The following FSIP2 variants were observed in gnomAD, a reference collection of about 807,000 sequenced individuals.
FSIP2 encodes fibrous sheath interacting protein 2.
FSIP2 carries 367 observed loss-of-function variants against 510.5 expected under a neutral mutation model. The observed-to-expected ratio is 0.72, with a 90% CI of 0.66 to 0.78. The LOEUF (loss-of-function observed/expected upper bound fraction) is 0.78. Ranked by LOEUF, FSIP2 falls within the 30% of genes least tolerant of loss-of-function variation. The pLI is 0.00. For missense variants in FSIP2, 7,594 were observed against 7,901.7 expected, an observed-to-expected ratio of 0.96 and a Z score of 1.48; for synonymous variants, 2,601 against 2,732.2, an observed-to-expected ratio of 0.95 and a Z score of 1.50.
chr2:185,752,241 C>T (rs893340524), intron 7 of FSIP2, among the ~76,000 whole-genome samples: 3 of 150,068 alleles, frequency 2.0e-5, no homozygotes, highest in Admixed American at 6.7e-5. Flanking sequence ...TATTTTAGTA[C>T]TTTAAAGATG....
chr2:185,792,577 T>G lies in FSIP2; in HGVS notation c.5441T>G (p.Val1814Gly), dbSNP rs894845987. ...AATTTTAATGGCATGCCTCACAATGTTGATGAGCCAACTCCCCAAACATCT... is the reference window on the plus strand; with the variant it reads ...AATTTTAATGGCATGCCTCACAATGGTGATGAGCCAACTCCCCAAACATCT... ...HSNFNGMPHN[V>G]DEPTPQTSVQ... Residue 1814 changes from valine (V) to glycine (G), a missense_variant, in exon 16 of 23, where the codon GTT (valine) becomes GGT (glycine). Physicochemically the swap from Val to Gly is moderately radical, Grantham distance 109. Transcript: ENST00000424728. 8.5e-6 allele frequency: 13 copies of G among 1,533,982 alleles called. No homozygotes were observed. The highest frequency in any genetic ancestry group is 1.0e-5 in the Non-Finnish European group (12 of 1,145,438).
intron 9 of FSIP2, among the ~76,000 whole-genome samples, chr2:185,759,410 TAA>T (rs1193484961): frequency 6.8e-6 from 1 of 146,030 alleles, no homozygotes. Flanking sequence ...TTACATATTA[TAA>T]TATATATTAT....
chr2:185,810,723 C>CCT (rs145327353), intron 17 of FSIP2, among the ~76,000 whole-genome samples: 16,832 of 151,646 alleles, frequency 0.11, 970 homozygotes, highest in Middle Eastern at 0.14. Flanking sequence ...GAAGACAGAG[C>CCT]CTCTTTTTTG....
At chr2:185,774,268 A>C (rs1191029975) in intron 13 of FSIP2, among the ~76,000 whole-genome samples, 1 of 152,068 alleles carries the variant, frequency 6.6e-6, no homozygotes, top group African/African-American at 2.4e-5. Flanking sequence ...ATAATGCCAT[A>C]TTTTCCTGGT....
In FSIP2 at chr2:185,792,960, T is replaced by A. The variant is rs1332325053; in HGVS notation, c.5824T>A (p.Ser1942Thr). 9.1e-6 allele frequency: 14 copies of A among 1,534,238 alleles called. No individual in the cohort carries two copies. The Admixed American group carries it at 2.8e-4, about 30-fold the overall frequency. ...TTCCAAAGTAAAATCTCTCTTTTAT[T>A]CTCAAGTCAACTTTACAGTTCCAGT... Reference protein sequence around the residue: ...ATSKVKSLFYSQVNFTVPVAL... With the variant: ...ATSKVKSLFYTQVNFTVPVAL... Residue 1942 changes from serine (S) to threonine (T), a missense_variant, in exon 16 of 23, where the codon TCT becomes ACT. Transcript: ENST00000424728.
At position 185,739,449 on chromosome 2, in the gene FSIP2, A is replaced by G; in HGVS notation, c.203A>G (p.Tyr68Cys). The change falls in exon 2 of 23, where the codon TAT becomes TGT. Residue 68 changes from tyrosine to cysteine, a missense_variant. Transcript: ENST00000424728. ...ATCCCAGGAAGCAATGCTGTATTCT[A>G]TACTACGAATTTCGGTGAAAAGGTG... Reference protein sequence around the residue: ...PVIPGSNAVFYTTNFGEKLFR... With the variant: ...PVIPGSNAVFCTTNFGEKLFR... 1.3e-6 allele frequency: 2 copies of G among 1,516,458 alleles called. No individual in the cohort carries two copies. The highest frequency in any genetic ancestry group is 1.2e-5 in the South Asian group (1 of 81,514). The allele number at this position is 1,516,458 out of a possible 1,614,324, so 93.9% of individuals were successfully genotyped here.
chr2:185,796,544 G>A lies in FSIP2; in HGVS notation c.9408G>A (p.Leu3136=). Residue 3136 remains leucine, a synonymous_variant, in exon 16 of 23, where the codon TTG becomes TTA. Coordinates refer to ENST00000424728, the MANE Select transcript of FSIP2 (RefSeq NM_173651.4). ...MDQCTYFNES[L]IQNLSRESLF... is the part of the protein sequence containing the mutation. ...AGTGTACTTATTTCAATGAGTCTTT[G>A]ATACAAAACCTTTCAAGAGAAAGTT... The A allele has an allele frequency of 6.5e-7, 1 of 1,534,984 alleles. No individual in the cohort carries two copies. Among genetic ancestry groups the A allele is most frequent in the Non-Finnish European group, 8.7e-7 (1 of 1,146,158 alleles).
Position 185,789,239 on chromosome 2 carries a change from A to C in FSIP2, c.2103A>C (p.Lys701Asn), listed in dbSNP as rs550313999. 1.3e-6 allele frequency: 2 copies of C among 1,534,590 alleles called. No individual in the cohort carries two copies. The highest frequency in any genetic ancestry group is 8.7e-7 in the Non-Finnish European group (1 of 1,145,876). ...NVFVNFKCYL[K>N]GETEVILESI... ...TTGTTAACTTTAAATGTTACTTGAA[A>C]GGGGAAACTGAAGTGATTTTAGAAA... is the stretch of plus-strand genomic sequence containing the variant. The change falls in exon 16 of 23, where the codon AAA (lysine) becomes AAC (asparagine). Residue 701 changes from lysine to asparagine, a missense_variant. Transcript: ENST00000424728.
In FSIP2 at chr2:185,815,427, G is replaced by GAGTTCATCTTCA. The variant is rs1159946297; in HGVS notation, c.20383_20394dup (p.Ser6795_Ser6798dup). 6.5e-7 allele frequency: 1 copy of GAGTTCATCTTCA among 1,534,204 alleles called. No homozygotes were observed. The highest frequency in any genetic ancestry group is 8.9e-7 in the Non-Finnish European group (1 of 1,121,902). ...CACATTACTTCATACACAGAATTATGAGTTCATCTTCATACAACCAAGAAG... is the reference window on the plus strand; with the variant it reads ...CACATTACTTCATACACAGAATTATGAGTTCATCTTCAAGTTCATCTTCATACAACCAAGAAG... On this transcript the variant is annotated inframe_insertion, in exon 19 of 23. Coordinates refer to ENST00000424728, the MANE Select transcript of FSIP2 (RefSeq NM_173651.4).
At chr2:185,788,542 C>T in intron 15 of FSIP2, 101 bp from the exon 16 acceptor site, 1 of 709,956 alleles carries the variant, frequency 1.4e-6, no homozygotes, top group Non-Finnish European at 2.2e-6. Context: ...TGGTATTCCA[C>T]CAATACATTG....
In FSIP2 at chr2:185,795,319, C is replaced by G. The variant is rs1019750872; in HGVS notation, c.8183C>G (p.Thr2728Arg). Residue 2728 changes from threonine to arginine, a missense_variant, in exon 16 of 23, where the codon ACA becomes AGA. Thr to Arg is a moderately conservative substitution (Grantham distance 71). Coordinates refer to ENST00000424728, the MANE Select transcript of FSIP2 (RefSeq NM_173651.4). ...GGAGATGCCAAAAATTTACTGGACA[C>G]AAAATTGCCCACTTCAGAACTAAAA... ...SAGDAKNLLD[T>R]KLPTSELKIY... 5.9e-6 allele frequency: 9 copies of G among 1,534,736 alleles called. No individual in the cohort carries two copies. In the African/African-American group the frequency reaches 1.1e-4, roughly 19 times the overall value.
At chr2:185,809,271 T>C (rs1418596953) in intron 17 of FSIP2, 138 bp downstream of exon 17, 12 of 911,246 alleles carry the variant, frequency 1.3e-5, no homozygotes, top group Non-Finnish European at 1.6e-6. Flanking sequence ...ATTAGTTGCA[T>C]CAGTTCATCC....
In FSIP2 at chr2:185,788,870, A is replaced by G. The variant is rs1444344505; in HGVS notation, c.1734A>G (p.Thr578=). 4.6e-6 allele frequency: 7 copies of G among 1,534,852 alleles called. No homozygotes were observed. The highest frequency in any genetic ancestry group is 4.4e-6 in the Non-Finnish European group (5 of 1,146,016). The change falls in exon 16 of 23, where the codon ACA becomes ACG. Residue 578 remains threonine (T), a synonymous_variant. Coordinates refer to ENST00000424728, the MANE Select transcript of FSIP2 (RefSeq NM_173651.4). Reference sequence around the variant, plus strand: ...GCTACACATCTGCAACAACTAAAACATTTCAGGCAGAACCCTGTGCATTTG... The same window carrying G: ...GCTACACATCTGCAACAACTAAAACGTTTCAGGCAGAACCCTGTGCATTTG... ...YRSYTSATTK[T]FQAEPCAFVV... is the part of the protein sequence containing the mutation.
chr2:185,788,991 G>A lies in FSIP2; in HGVS notation c.1855G>A (p.Gly619Arg). The A allele has an allele frequency of 6.5e-7, 1 of 1,534,228 alleles. No homozygotes were observed. The highest frequency in any genetic ancestry group is 1.2e-5 in the South Asian group (1 of 84,022). The change falls in exon 16 of 23, where the codon GGA becomes AGA. Residue 619 changes from glycine to arginine, a missense_variant. Physicochemically the swap from Gly to Arg is moderately radical, Grantham distance 125 (BLOSUM62 -2). Transcript: ENST00000424728. ...TVVGKTCHIK[G>R]QSIISKHKYN... is the part of the protein sequence containing the mutation. Reference sequence around the variant, plus strand: ...TGTGGGGAAAACATGTCACATAAAAGGACAATCTATAATCTCTAAACATAA... The same window carrying A: ...TGTGGGGAAAACATGTCACATAAAAAGACAATCTATAATCTCTAAACATAA...
In FSIP2 at chr2:185,805,666, G is replaced by A. The variant is rs757615455; in HGVS notation, c.16360G>A (p.Asp5454Asn). ...QSYKDTSSTPDCKNMMSTLEI... is the reference protein window; with the variant it reads ...QSYKDTSSTPNCKNMMSTLEI... Reference sequence around the variant, plus strand: ...ATATAAAGATACTTCTTCCACCCCAGATTGCAAAAACATGATGAGCACTTT... The same window carrying A: ...ATATAAAGATACTTCTTCCACCCCAAATTGCAAAAACATGATGAGCACTTT... Residue 5454 changes from aspartate (D) to asparagine (N), a missense_variant, in exon 17 of 23, where the codon GAT becomes AAT. By Grantham distance (23) the Asp-to-Asn change is conservative. Transcript: ENST00000424728. 1.2e-6 allele frequency: 2 copies of A among 1,610,184 alleles called. No homozygotes were observed. The highest frequency in any genetic ancestry group is 4.5e-5 in the East Asian group (2 of 44,756).
Position 185,807,080 on chromosome 2 carries a change from T to C in FSIP2, c.17774T>C (p.Leu5925Ser). Reference protein sequence around the residue: ...KVVHSSVCNILNDYGSQDSIW... With the variant: ...KVVHSSVCNISNDYGSQDSIW... ...GTTCACTCCTCTGTTTGTAATATTT[T>C]AAATGACTATGGATCTCAAGACTCT... The change falls in exon 17 of 23, where the codon TTA becomes TCA. Residue 5925 changes from leucine (L) to serine (S), a missense_variant. Physicochemically the swap from Leu to Ser is moderately radical, Grantham distance 145. Transcript: ENST00000424728. The C allele has an allele frequency of 6.3e-7, 1 of 1,589,464 alleles. No homozygotes were observed. Among genetic ancestry groups the C allele is most frequent in the South Asian group, 1.2e-5 (1 of 86,046 alleles).
At chr2:185,821,080 A>C (rs1693910132) in intron 19 of FSIP2, among the ~76,000 whole-genome samples, 1 of 101,768 alleles carries the variant, frequency 9.8e-6, no homozygotes, top group African/African-American at 3.7e-5. Flanking sequence ...GCCTAAGGAA[A>C]GAAAGACTCA....
intron 21 of FSIP2, among the ~76,000 whole-genome samples, chr2:185,831,041 G>C (rs1195373615): frequency 6.6e-6 from 1 of 151,844 alleles, no homozygotes; most frequent in African/African-American, 2.4e-5. Context: ...AGTCTTCTTG[G>C]AGGAACTATG....
chr2:185,802,868 A>G lies in FSIP2; in HGVS notation c.13562A>G (p.Glu4521Gly). ...ATTAGGATGAAAGTTTCCCAACATG[A>G]AATTCGATTTTCAAAAGAGGAAGAA... is the stretch of plus-strand genomic sequence containing the variant. ...SDIRMKVSQH[E>G]IRFSKEEEET... Residue 4521 changes from glutamate (E) to glycine (G), a missense_variant, in exon 17 of 23, where the codon GAA (glutamate) becomes GGA (glycine). Coordinates refer to ENST00000424728, the MANE Select transcript of FSIP2 (RefSeq NM_173651.4). The G allele has an allele frequency of 6.7e-7, 1 of 1,500,766 alleles. No homozygotes were observed. The highest frequency in any genetic ancestry group is 1.3e-5 in the South Asian group (1 of 77,418). 93.0% of individuals were successfully genotyped at this position (1,500,766 alleles called of 1,614,324 possible).
Sources: gnomAD v4.1 joint callset for allele counts (sites outside exome capture counted in the v4.1 genomes callset) on GRCh38, gnomAD v4.1.1 for gene constraint, MANE v1.5 for transcripts, NCBI Gene and HGNC (gene_info 2026-07-23, HGNC 2026-07-21) for gene names.